PIBF1: variants seen among roughly 807,000 people sequenced by gnomAD.
PIBF1 encodes the protein progesterone immunomodulatory binding factor 1.
In PIBF1, 90 loss-of-function variants were observed where a neutral mutation model predicts 112.5. The observed-to-expected ratio is 0.80, with a 90% CI of 0.67 to 0.95. The LOEUF is 0.95. Ranked by LOEUF, PIBF1 falls within the 40% of genes least tolerant of loss-of-function variation. The probability of loss-of-function intolerance (pLI) is 0.00; values close to 1 mark genes in which losing one functional copy is unlikely to be tolerated. For missense variants in PIBF1, 915 were observed against 852.3 expected, an observed-to-expected ratio of 1.07 and a Z score of -0.92; for synonymous variants, 301 against 288.6, an observed-to-expected ratio of 1.04 and a Z score of -0.44.
intron 13 of PIBF1, among the ~76,000 whole-genome samples, chr13:72,930,772 A>G (rs2041672743): frequency 6.6e-6 from 1 of 152,202 alleles, no homozygotes; most frequent in Non-Finnish European, 1.5e-5. Context: ...TGATAAGCTA[A>G]TTATTGTTTG....
intron 13 of PIBF1, among the ~76,000 whole-genome samples, chr13:72,924,462 C>A (rs1206089859): frequency 2.0e-5 from 3 of 152,094 alleles, no homozygotes; most frequent in Non-Finnish European, 4.4e-5. Context: ...TGTCTCACGC[C>A]TATAATCCCA....
intron 14 of PIBF1, among the ~76,000 whole-genome samples, chr13:72,947,350 G>A (rs1315446619): frequency 2.6e-5 from 4 of 152,178 alleles, no homozygotes; most frequent in Admixed American, 6.5e-5. Flanking sequence ...GCATAGAGCA[G>A]GGGGGCCCTG....
At chr13:72,784,936 A>T (rs1438346697) in intron 2 of PIBF1, among the ~76,000 whole-genome samples, 1 of 151,998 alleles carries the variant, frequency 6.6e-6, no homozygotes, top group Non-Finnish European at 1.5e-5. Context: ...TCAGTGGCAC[A>T]ATCTTGGCTC....
At chr13:72,782,843 AT>A (rs2034354915) in intron 1 of PIBF1, among the ~76,000 whole-genome samples, 1 of 151,426 alleles carries the variant, frequency 6.6e-6, no homozygotes, top group Non-Finnish European at 1.5e-5. Flanking sequence ...CTATTTTGAC[AT>A]TTAAGGCCTT....
intron 16 of PIBF1, among the ~76,000 whole-genome samples, chr13:72,980,925 C>T (rs943171324): frequency 1.3e-5 from 2 of 151,492 alleles, no homozygotes; most frequent in Non-Finnish European, 2.9e-5. Context: ...AAAGATAGGA[C>T]AATTGAGGAA....
At chr13:72,953,305 A>G (rs1490403927) in intron 14 of PIBF1, among the ~76,000 whole-genome samples, 2 of 152,214 alleles carry the variant, frequency 1.3e-5, no homozygotes, top group Non-Finnish European at 2.9e-5. Flanking sequence ...TGGAAAGTTC[A>G]GGGACTCAAG....
At chr13:72,793,492 T>G (rs2035037528) in intron 3 of PIBF1, among the ~76,000 whole-genome samples, 1 of 152,190 alleles carries the variant, frequency 6.6e-6, no homozygotes, top group Admixed American at 6.5e-5. Flanking sequence ...CCTGAGAATG[T>G]GCATTTTTAC....
chr13:72,894,772 AGTGTGTGTG>A (rs1207665097), intron 11 of PIBF1, among the ~76,000 whole-genome samples: 39 of 137,216 alleles, frequency 2.8e-4, no homozygotes, highest in African/African-American at 1.1e-3. Flanking sequence ...ATATATATAT[AGTGTGTGTG>A]TGTGTGTGTG....
rs77501926 is a variant in PIBF1 at position 73,014,345 on chromosome 13, T to G, written c.2224-1524T>G. On this transcript the variant is annotated intron_variant, in intron 17 of 17. Transcript: ENST00000326291. ...TCATTTTGCAAGGCCAGCATTGCCC[T>G]AATTCCAAAATCAAAGATATTAGAG... Among the ~76,000 whole-genome samples the G allele has an allele frequency of 1.2e-3, 185 of 152,254 alleles. 4 individuals carry two copies. The East Asian group carries it at 0.033, about 27-fold the overall frequency.
chr13:72,905,063 A>G (rs1392244308), intron 11 of PIBF1, among the ~76,000 whole-genome samples: 1 of 120,132 alleles, frequency 8.3e-6, no homozygotes, highest in East Asian at 2.9e-4. Flanking sequence ...TTTAAATCCC[A>G]TACTTTTTTT....
At position 72,917,096 on chromosome 13, in the gene PIBF1, G is replaced by A; in HGVS notation, c.1660G>A (p.Glu554Lys). 6.3e-7 allele frequency: 1 copy of A among 1,592,900 alleles called. No individual in the cohort carries two copies. Among genetic ancestry groups the A allele is most frequent in the Non-Finnish European group, 8.6e-7 (1 of 1,169,136 alleles). ...TCCAGTTGAAAATGAAGATGAGGCT[G>A]AAAGGGTTCTTTTTTCCTACGGCTA... ...TAEIENEDEAERVLFSYGYGA... is the reference protein window; with the variant it reads ...TAEIENEDEAKRVLFSYGYGA... Residue 554 changes from glutamate to lysine, a missense_variant, in exon 13 of 18, where the codon GAA becomes AAA. Physicochemically the swap from Glu to Lys is moderately conservative, Grantham distance 56. Transcript: ENST00000326291.
intron 11 of PIBF1, among the ~76,000 whole-genome samples, chr13:72,903,470 A>G (rs2040577422): frequency 6.6e-6 from 1 of 152,208 alleles, no homozygotes; most frequent in Non-Finnish European, 1.5e-5. Context: ...AGGGCTTTGA[A>G]TAGAGCTTTC....
intron 16 of PIBF1, among the ~76,000 whole-genome samples, chr13:72,985,371 C>CAAAAAAAAAAAAA (rs67195605): frequency 1.1e-4 from 8 of 76,112 alleles, no homozygotes; most frequent in Non-Finnish European, 1.4e-4. Flanking sequence ...ACTAAAAATA[C>CAAAAAAAAAAAAA]AAAAAAAAAA....
At chr13:72,935,412 G>T (rs1319448127) in intron 14 of PIBF1, among the ~76,000 whole-genome samples, 1 of 151,926 alleles carries the variant, frequency 6.6e-6, no homozygotes, top group Non-Finnish European at 1.5e-5. Flanking sequence ...GTAACATTTC[G>T]TTGTGTGGAA....
chr13:72,870,940 ATTTAC>A (rs1307978868), intron 10 of PIBF1, among the ~76,000 whole-genome samples: 2 of 152,092 alleles, frequency 1.3e-5, no homozygotes, highest in African/African-American at 4.8e-5. Context: ...AAGAGCTTTT[ATTTAC>A]TTCAGTGTGC....
At chr13:72,820,415 G>A (rs1229022533) in intron 5 of PIBF1, among the ~76,000 whole-genome samples, 1 of 152,084 alleles carries the variant, frequency 6.6e-6, no homozygotes, top group Admixed American at 6.6e-5. Context: ...GGAGGTGATA[G>A]CGTATCCTCA....
chr13:72,783,311 C>A, intron 1 of PIBF1, 112 bp from the exon 2 acceptor site: 1 of 578,558 alleles, frequency 1.7e-6, no homozygotes, highest in Non-Finnish European at 3.1e-6. Context: ...ATTTGGGATG[C>A]ACTAAATTGC....
chr13:72,979,363 A>G (rs1311543006), intron 16 of PIBF1, among the ~76,000 whole-genome samples: 1 of 152,162 alleles, frequency 6.6e-6, no homozygotes, highest in Non-Finnish European at 1.5e-5. Context: ...TTCTTTGTAT[A>G]TATTTTATCC....
chr13:72,989,961 C>T (rs1293062937), intron 16 of PIBF1, among the ~76,000 whole-genome samples: 1 of 152,126 alleles, frequency 6.6e-6, no homozygotes, highest in Non-Finnish European at 1.5e-5. Flanking sequence ...TGCCTGTAAT[C>T]TCAGCACTTT....
Sources: gnomAD v4.1 joint callset for allele counts (sites outside exome capture counted in the v4.1 genomes callset) on GRCh38, gnomAD v4.1.1 for gene constraint, MANE v1.5 for transcripts, NCBI Gene and HGNC (gene_info 2026-07-23, HGNC 2026-07-21) for gene names.